SLC44A4: variants seen among roughly 807,000 people sequenced by gnomAD.
SLC44A4 encodes solute carrier family 44 member 4.
In SLC44A4, 74 loss-of-function variants were observed where a neutral mutation model predicts 97.0. The ratio of observed to expected loss-of-function variants is 0.76; its 90% CI spans 0.63 to 0.93. The LOEUF (loss-of-function observed/expected upper bound fraction) is 0.93, where lower values mean the gene tolerates loss of function less well. Ranked by LOEUF, SLC44A4 falls within the 40% of genes least tolerant of loss-of-function variation. The pLI is 0.00. For synonymous variants in SLC44A4, 325 were observed against 363.8 expected (o/e 0.89, Z 1.21); for missense variants, 799 against 902.9 (o/e 0.88, Z 1.48).
rs1313398255 is a variant in SLC44A4 at position 31,875,871 on chromosome 6, A to C, written c.223T>G (p.Cys75Gly). 1.2e-6 allele frequency: 2 copies of C among 1,612,034 alleles called. No homozygotes were observed. The highest frequency in any genetic ancestry group is 1.7e-6 in the Non-Finnish European group (2 of 1,178,920). ...LYPRNSTGAY[C>G]GMGENKDKPY... ...ACTCACTTGTTCTCCCCCATGCCAC[A>C]GTAGGCCCCAGTAGAGTTCCTGGGG... is the stretch of plus-strand genomic sequence containing the variant. Residue 75 changes from cysteine to glycine, a missense_variant, in exon 4 of 21, where the codon TGT becomes GGT. By Grantham distance (159) the Cys-to-Gly change is radical. Around this residue, in one of 3 missense-constraint regions of SLC44A4, gnomAD observed 409 missense variants for 434.1 expected, o/e 0.94. Coordinates refer to ENST00000229729, the MANE Select transcript of SLC44A4 (RefSeq NM_025257.3).
At chr6:31,864,524 C>G in intron 20 of SLC44A4, 128 bp downstream of exon 20, 1 of 850,152 alleles carries the variant, frequency 1.2e-6, no homozygotes, top group Non-Finnish European at 1.9e-6. Flanking sequence ...TCACAAGAAG[C>G]TCCCTCTGGT....
chr6:31,867,201 TC>T (rs1762914091), intron 13 of SLC44A4, among the ~76,000 whole-genome samples: 1 of 151,332 alleles, frequency 6.6e-6, no homozygotes, highest in Non-Finnish European at 1.5e-5. Flanking sequence ...TGCTTCAACC[TC>T]CCAAGTAGCT....
Position 31,876,150 on chromosome 6 carries a change from G to C in SLC44A4, c.90-21C>G. 6.2e-7 allele frequency: 1 copy of C among 1,603,548 alleles called. No homozygotes were observed. Among genetic ancestry groups the C allele is most frequent in the Non-Finnish European group, 8.5e-7 (1 of 1,173,052 alleles). ...AGCTTCTGAGAGAGAAACGAAACGG[G>C]AGGCTGAGCTAAGGAGACTTGGGGA... On this transcript the variant is annotated intron_variant, in intron 2 of 20. Transcript: ENST00000229729. The surrounding 1 kb of genome is among the most constrained non-coding windows in gnomAD (Gnocchi z 4.8).
In SLC44A4 at chr6:31,877,439, T is replaced by A. The variant is rs989403867; in HGVS notation, c.41-357A>T. 3.3e-5 allele frequency: 12 copies of A among 361,042 alleles called. No homozygotes were observed. The Admixed American group carries it at 5.6e-4, about 17-fold the overall frequency. 22.4% of individuals were successfully genotyped at this position (361,042 alleles called of 1,614,324 possible). On this transcript the variant is annotated intron_variant, in intron 1 of 20. Transcript: ENST00000229729. This position sits in a 1 kb window ranked among gnomAD's most constrained non-coding sequence, Gnocchi z 6.5. ...TTTAGCTGGGATGTGGGACTCCCAGTGGCTCTCACTCCCTCATTCTCATCC... is the reference window on the plus strand; with the variant it reads ...TTTAGCTGGGATGTGGGACTCCCAGAGGCTCTCACTCCCTCATTCTCATCC...
intron 18 of SLC44A4, 48 bp downstream of exon 18, chr6:31,864,962 G>A (rs1191281691): frequency 3.7e-6 from 6 of 1,613,548 alleles, no homozygotes; most frequent in Middle Eastern, 1.6e-4. Context: ...CACCTCTTCA[G>A]CTGCCCAGCA....
chr6:31,871,133 C>A, intron 9 of SLC44A4, 86 bp from the exon 10 acceptor site: 1 of 1,343,190 alleles, frequency 7.4e-7, no homozygotes, highest in African/African-American at 1.4e-5. Context: ...TTTCCACACA[C>A]CACCCAATGT....
In SLC44A4 at chr6:31,870,965, T is replaced by TCAGCAC; in HGVS notation, c.778_783dup (p.Val260_Leu261dup). ...GCCAGCACGCCCAGCACTCCCAGGATCAGCACCAGCACCAGGGGCCCAGCC... is the reference window on the plus strand; with the variant it reads ...GCCAGCACGCCCAGCACTCCCAGGATCAGCACCAGCACCAGCACCAGGGGCCCAGCC... On this transcript the variant is annotated inframe_insertion, in exon 10 of 21. Transcript: ENST00000229729. The TCAGCAC allele has an allele frequency of 6.2e-7, 1 of 1,612,912 alleles. No individual in the cohort carries two copies.
intron 8 of SLC44A4, 21 bp from the exon 9 acceptor site, chr6:31,871,418 G>T (rs562995227): frequency 1.0e-4 from 165 of 1,613,834 alleles, no homozygotes; most frequent in South Asian, 2.3e-4. Flanking sequence ...GACAGAGTCA[G>T]ATGGGGCTGT....
chr6:31,871,878 C>T (rs181718223), intron 7 of SLC44A4, among the ~76,000 whole-genome samples: 3 of 152,270 alleles, frequency 2.0e-5, no homozygotes, highest in Non-Finnish European at 4.4e-5. Flanking sequence ...TGGACTTCAT[C>T]ACTCCAGGGT....
At position 31,878,663 on chromosome 6, in the gene SLC44A4, T is replaced by G. The variant is rs895266124; in HGVS notation, c.40+278A>C. Among the ~76,000 whole-genome samples the G allele has an allele frequency of 1.3e-5, 2 of 151,370 alleles. No homozygotes were observed. Among genetic ancestry groups the G allele is most frequent in the African/African-American group, 4.9e-5 (2 of 41,102 alleles). ...CCCTTAGGGACCCAGAGTCCAGGCC[T>G]GAAATACCCCCCTCCTCCCAAGGAC... On this transcript the variant is annotated intron_variant, in intron 1 of 20. Transcript: ENST00000229729. This position sits in a 1 kb window ranked among gnomAD's most constrained non-coding sequence, Gnocchi z 4.0.
chr6:31,874,846 C>T lies in SLC44A4; in HGVS notation c.343G>A (p.Val115Met). ...TCCTCCGGGCAGGAGGACACACACA[C>T]CTGGGTGCAGAGAGAACACTAAGGG... ...ENGLQCPTPQ[V>M]CVSSCPEDPW... Residue 115 changes from valine (V) to methionine (M), a missense_variant and splice_region_variant, in exon 6 of 21, where the codon GTG (valine) becomes ATG (methionine). By Grantham distance (21) the Val-to-Met change is conservative. This residue lies in a region of SLC44A4 where 409 missense variants were observed against 434.1 expected (regional missense o/e 0.94). Transcript: ENST00000229729. The surrounding 1 kb of genome is among the most constrained non-coding windows in gnomAD (Gnocchi z 4.8). 2 of 1,612,324 alleles carry T rather than the reference C, an allele frequency of 1.2e-6. No homozygotes were observed. The highest frequency in any genetic ancestry group is 2.2e-5 in the East Asian group (1 of 44,876).
In SLC44A4 at chr6:31,874,352, G is replaced by T; in HGVS notation, c.529+108C>A. 2 of 1,227,570 alleles carry T rather than the reference G, an allele frequency of 1.6e-6. No homozygotes were observed. Among genetic ancestry groups the T allele is most frequent in the Non-Finnish European group, 2.4e-6 (2 of 844,946 alleles). 76.0% of individuals were successfully genotyped at this position (1,227,570 alleles called of 1,614,324 possible). On this transcript the variant is annotated intron_variant, in intron 7 of 20. Coordinates refer to ENST00000229729, the MANE Select transcript of SLC44A4 (RefSeq NM_025257.3). This position sits in a 1 kb window ranked among gnomAD's most constrained non-coding sequence, Gnocchi z 4.8. ...AAGACCTGATGCTAATTCCAATTTT[G>T]CCACCAACAAGCTATGTGACTTCAC...
Position 31,871,057 on chromosome 6 carries a change from G to C in SLC44A4, c.702-10C>G. Reference sequence around the variant, plus strand: ...AGCCACCCCCAGGGCACTGTAGGCAGGGTGAGGACAGTGAGGTTCAGCCCT... The same window carrying C: ...AGCCACCCCCAGGGCACTGTAGGCACGGTGAGGACAGTGAGGTTCAGCCCT... On this transcript the variant is annotated splice_polypyrimidine_tract_variant and intron_variant, in intron 9 of 20. Coordinates refer to ENST00000229729, the MANE Select transcript of SLC44A4 (RefSeq NM_025257.3). 1 of 1,595,828 alleles carries C rather than the reference G, an allele frequency of 6.3e-7. No homozygotes were observed. The highest frequency in any genetic ancestry group is 2.3e-5 in the East Asian group (1 of 44,422).
At chr6:31,871,728 C>T (rs1394213020) in intron 7 of SLC44A4, among the ~76,000 whole-genome samples, 167 bp from the exon 8 acceptor site, 1 of 152,094 alleles carries the variant, frequency 6.6e-6, no homozygotes, top group East Asian at 1.9e-4. Context: ...CCTGTGGAGC[C>T]CAGTCTATCC....
At chr6:31,868,515 C>G (rs1266995830) in intron 13 of SLC44A4, among the ~76,000 whole-genome samples, 1 of 152,184 alleles carries the variant, frequency 6.6e-6, no homozygotes. Flanking sequence ...GTGGCTCACT[C>G]CTATAATCCC....
At chr6:31,868,830 A>AACAAACAC (rs1554255022) in intron 13 of SLC44A4, among the ~76,000 whole-genome samples, 1 of 130,642 alleles carries the variant, frequency 7.7e-6, no homozygotes. Context: ...CAAACAAACA[A>AACAAACAC]ACAGGAGTAG....
chr6:31,865,000 G>A lies in SLC44A4; in HGVS notation c.1831+10C>T, dbSNP rs1047414969. 2 of 1,613,844 alleles carry A rather than the reference G, an allele frequency of 1.2e-6. No individual in the cohort carries two copies. Among genetic ancestry groups the A allele is most frequent in the Non-Finnish European group, 1.7e-6 (2 of 1,180,022 alleles). ...CCTACCCTCTGTCCCCACAGCTTCT[G>A]GTCCCTTACCCACGCCTCCGACCAC... On this transcript the variant is annotated intron_variant, in intron 18 of 20. Transcript: ENST00000229729.
chr6:31,872,506 G>T (rs774425551), intron 7 of SLC44A4, among the ~76,000 whole-genome samples: 1 of 152,078 alleles, frequency 6.6e-6, no homozygotes, highest in Non-Finnish European at 1.5e-5. Flanking sequence ...AAAGTGTTGG[G>T]ATTACAGGTG....
At chr6:31,875,786 G>T in intron 4 of SLC44A4, 66 bp downstream of exon 4, 1 of 1,395,702 alleles carries the variant, frequency 7.2e-7, no homozygotes, top group Non-Finnish European at 9.9e-7. Flanking sequence ...CCTGAGTTGG[G>T]GGGGTGTCTC....
Sources: gnomAD v4.1 joint callset for allele counts (sites outside exome capture counted in the v4.1 genomes callset) on GRCh38, gnomAD v4.1.1 for gene constraint, gnomAD v4.1.1 regional missense constraint, Gnocchi (gnomAD v3.1) non-coding constraint, MANE v1.5 for transcripts, NCBI Gene and HGNC (gene_info 2026-07-23, HGNC 2026-07-21) for gene names.